ETV6: variants seen among roughly 807,000 people sequenced by gnomAD.
ETV6 encodes transcription factor ETV6.
In ETV6, 16 loss-of-function variants were observed where a neutral mutation model predicts 51.1. The ratio of observed to expected loss-of-function variants is 0.31; its 90% CI spans 0.21 to 0.48. The LOEUF (loss-of-function observed/expected upper bound fraction) is 0.48. Ranked by LOEUF, ETV6 falls within the 20% of genes least tolerant of loss-of-function variation. The probability of loss-of-function intolerance (pLI) is 0.99; values close to 1 mark genes in which losing one functional copy is unlikely to be tolerated. For synonymous variants in ETV6, 240 were observed against 224.1 expected (o/e 1.07, Z -0.64); for missense variants, 458 against 594.8 (o/e 0.77, Z 2.39).
At position 11,752,507 on chromosome 12, in the gene ETV6, A is replaced by G; in HGVS notation, c.91A>G (p.Thr31Ala). 2 of 1,613,940 alleles carry G rather than the reference A, an allele frequency of 1.2e-6. No homozygotes were observed. The highest frequency in any genetic ancestry group is 1.7e-6 in the Non-Finnish European group (2 of 1,179,980). ...CCCAGTGCCGAGTTACGCTTCCTCG[A>G]CGCCACTTCATGTTCCAGTGCCTCG... ...ESPVPSYASS[T>A]PLHVPVPRAL... is the part of the protein sequence containing the mutation. The change falls in exon 2 of 8, where the codon ACG becomes GCG. Residue 31 changes from threonine (T) to alanine (A), a missense_variant. Thr to Ala is a moderately conservative substitution (Grantham distance 58, BLOSUM62 0). Coordinates refer to ENST00000396373, the MANE Select transcript of ETV6 (RefSeq NM_001987.5).
chr12:11,822,380 C>A (rs535225066), intron 2 of ETV6, among the ~76,000 whole-genome samples: 1 of 152,192 alleles, frequency 6.6e-6, no homozygotes, highest in Non-Finnish European at 1.5e-5. Flanking sequence ...CTGCCTTGTG[C>A]GTTAGAACTC....
intron 2 of ETV6, among the ~76,000 whole-genome samples, chr12:11,789,184 C>T (rs1175939135): frequency 6.6e-6 from 1 of 152,100 alleles, no homozygotes; most frequent in African/African-American, 2.4e-5. Context: ...AGGCGCCAGC[C>T]ACCATGCCCA....
At chr12:11,762,164 A>G (rs776072536) in intron 2 of ETV6, among the ~76,000 whole-genome samples, 3 of 152,188 alleles carry the variant, frequency 2.0e-5, no homozygotes, top group Non-Finnish European at 2.9e-5. Flanking sequence ...CAGGGCTTCT[A>G]AAGACTGTCC....
At chr12:11,763,333 T>C (rs58385080) in intron 2 of ETV6, among the ~76,000 whole-genome samples, 67 of 152,306 alleles carry the variant, frequency 4.4e-4, no homozygotes, top group African/African-American at 1.5e-3. Flanking sequence ...TTGGCCGTGA[T>C]TCAAATATTC....
At chr12:11,792,719 C>A (rs1945620156) in intron 2 of ETV6, among the ~76,000 whole-genome samples, 1 of 151,848 alleles carries the variant, frequency 6.6e-6, no homozygotes, top group Non-Finnish European at 1.5e-5. Context: ...CTTTCAGTGT[C>A]AGGTCCCATT....
intron 5 of ETV6, among the ~76,000 whole-genome samples, chr12:11,870,414 G>A (rs995441833): frequency 6.6e-6 from 1 of 152,072 alleles, no homozygotes; most frequent in Non-Finnish European, 1.5e-5. Context: ...CCTTAGGAGC[G>A]GGTAGGAGAG....
chr12:11,688,376 G>T (rs1052001087), intron 1 of ETV6, among the ~76,000 whole-genome samples: 31 of 152,218 alleles, frequency 2.0e-4, no homozygotes, highest in African/African-American at 6.0e-4. Flanking sequence ...GCATTGCAGG[G>T]CAGCCACTAT....
intron 1 of ETV6, among the ~76,000 whole-genome samples, chr12:11,661,760 C>G (rs1299685097): frequency 2.0e-5 from 3 of 152,192 alleles, no homozygotes; most frequent in African/African-American, 7.2e-5. Context: ...TTCAGAGAAC[C>G]AAAGAAACAA....
At chr12:11,684,042 T>C (rs1315837806) in intron 1 of ETV6, among the ~76,000 whole-genome samples, 1 of 152,120 alleles carries the variant, frequency 6.6e-6, no homozygotes, top group Non-Finnish European at 1.5e-5. Flanking sequence ...GGATAGAGGG[T>C]AAAGGTAGTC....
intron 5 of ETV6, among the ~76,000 whole-genome samples, chr12:11,882,139 A>T (rs940218928): frequency 6.6e-6 from 1 of 152,242 alleles, no homozygotes; most frequent in Non-Finnish European, 1.5e-5. Flanking sequence ...TTAAACACAG[A>T]TAATACAGAA....
At chr12:11,814,149 C>T (rs956931656) in intron 2 of ETV6, among the ~76,000 whole-genome samples, 1 of 151,986 alleles carries the variant, frequency 6.6e-6, no homozygotes, top group African/African-American at 2.4e-5. Context: ...AATGGTGACC[C>T]CAAAGTTCTG....
In ETV6 at chr12:11,678,857, G is replaced by A. The variant is rs552140091; in HGVS notation, c.33+28697G>A. On this transcript the variant is annotated intron_variant, in intron 1 of 7. Coordinates refer to ENST00000396373, the MANE Select transcript of ETV6 (RefSeq NM_001987.5). The stretch of plus-strand genomic sequence containing the variant: ...TGTCCCAATGTAAGCTGTGAGGCAG[G>A]GGAAAAAAAGGGAGTGACTGGTGAA... Among the ~76,000 whole-genome samples, 5 of 152,118 alleles carry A rather than the reference G, an allele frequency of 3.3e-5. No homozygotes were observed. The South Asian group carries it at 1.0e-3, about 32-fold the overall frequency.
chr12:11,789,743 AG>A (rs556103315), intron 2 of ETV6, among the ~76,000 whole-genome samples: 196 of 152,334 alleles, frequency 1.3e-3, no homozygotes, highest in Non-Finnish European at 2.5e-3. Context: ...TTTTGAAGGT[AG>A]CACTCCATTG....
chr12:11,724,727 T>C (rs141976734), intron 1 of ETV6, among the ~76,000 whole-genome samples: 1 of 152,130 alleles, frequency 6.6e-6, no homozygotes, highest in Non-Finnish European at 1.5e-5. Flanking sequence ...CTTGGGAAAA[T>C]TGTTGAAACA....
At chr12:11,654,576 G>A (rs1235255830) in intron 1 of ETV6, among the ~76,000 whole-genome samples, 3 of 149,662 alleles carry the variant, frequency 2.0e-5, no homozygotes, top group Non-Finnish European at 4.5e-5. Flanking sequence ...ACGGGGGTAT[G>A]TGCCAAGGAA....
intron 2 of ETV6, among the ~76,000 whole-genome samples, chr12:11,803,900 G>T (rs1352357126): frequency 1.3e-5 from 2 of 151,898 alleles, no homozygotes; most frequent in Non-Finnish European, 2.9e-5. Flanking sequence ...TATGTAGACT[G>T]AGCAAAAATA....
chr12:11,668,488 T>C (rs1389756943), intron 1 of ETV6, among the ~76,000 whole-genome samples: 1 of 152,094 alleles, frequency 6.6e-6, no homozygotes, highest in African/African-American at 2.4e-5. Context: ...AAGAGTATCA[T>C]GTGAGATTAG....
intron 1 of ETV6, among the ~76,000 whole-genome samples, chr12:11,709,737 C>T (rs1460594658): frequency 6.6e-6 from 1 of 152,148 alleles, no homozygotes; most frequent in Non-Finnish European, 1.5e-5. Flanking sequence ...GCGGGTAGGC[C>T]TCACCCAATC....
intron 2 of ETV6, among the ~76,000 whole-genome samples, chr12:11,767,063 G>A (rs746246536): frequency 1.4e-4 from 22 of 152,064 alleles, no homozygotes; most frequent in Non-Finnish European, 2.4e-4. Flanking sequence ...GAAGGATGGC[G>A]GTATCATTTG....
Sources: gnomAD v4.1 joint callset for allele counts (sites outside exome capture counted in the v4.1 genomes callset) on GRCh38, gnomAD v4.1.1 for gene constraint, MANE v1.5 for transcripts, NCBI Gene and HGNC (gene_info 2026-07-23, HGNC 2026-07-21) for gene names.